The following NALF1 variants were observed in gnomAD, a reference collection of about 807,000 sequenced individuals.
The protein encoded by NALF1 is NALCN channel auxiliary factor 1.
A neutral mutation model predicts 48.4 loss-of-function variants in NALF1; 3 were observed. The ratio of observed to expected loss-of-function variants is 0.06; its 90% confidence interval spans 0.03 to 0.16. NALF1 has a LOEUF of 0.16. Among genes scored for constraint, NALF1 ranks in the 10% least tolerant of loss-of-function variants. The pLI is 1.00. For missense variants in NALF1, 526 were observed against 571.5 expected (o/e 0.92, Z 0.81); for synonymous variants, 262 against 245.7 (o/e 1.07, Z -0.62).
intron 1 of NALF1, among the ~76,000 whole-genome samples, chr13:107,670,231 A>G (rs998820077): frequency 1.3e-5 from 2 of 152,092 alleles, no homozygotes; most frequent in Non-Finnish European, 2.9e-5. Context: ...ATGTGGTCTT[A>G]TTGACGAGTA....
At chr13:107,404,234 G>A (rs184912347) in intron 1 of NALF1, among the ~76,000 whole-genome samples, 38 of 151,998 alleles carry the variant, frequency 2.5e-4, no homozygotes, top group Admixed American at 1.4e-3. Flanking sequence ...TCATTTCATC[G>A]TTGTGTCATT....
intron 1 of NALF1, among the ~76,000 whole-genome samples, chr13:107,496,286 G>C (rs1211167502): frequency 6.6e-6 from 1 of 152,164 alleles, no homozygotes; most frequent in Non-Finnish European, 1.5e-5. Flanking sequence ...TAGATGCAAA[G>C]GACCTGAATG....
chr13:107,732,405 C>T (rs144138455), intron 1 of NALF1, among the ~76,000 whole-genome samples: 4 of 152,150 alleles, frequency 2.6e-5, no homozygotes, highest in East Asian at 1.9e-4. Flanking sequence ...TTTTCATTTG[C>T]TGGAAGTGCA....
At position 107,167,403 on chromosome 13, in the gene NALF1, C is replaced by G. The variant is rs1256768804; in HGVS notation, c.*3094G>C. On this transcript the variant is annotated 3_prime_UTR_variant, in exon 3 of 3. Coordinates refer to ENST00000375915, the MANE Select transcript of NALF1 (RefSeq NM_001080396.3). ...TCAACGGATGTAGTGAAATCTGCAT[C>G]ATCAGTGATTGTTTCTGAGCTTGGG... is the stretch of plus-strand genomic sequence containing the variant. The G allele has an allele frequency of 6.6e-6, 1 of 152,182 alleles. No individual in the cohort carries two copies. Among genetic ancestry groups the G allele is most frequent in the African/African-American group, 2.4e-5 (1 of 41,422 alleles). The allele number at this position is 152,182 out of a possible 1,614,324, so 9.4% of individuals were successfully genotyped here.
chr13:107,258,282 A>G (rs1463245299), intron 1 of NALF1, among the ~76,000 whole-genome samples: 1 of 152,210 alleles, frequency 6.6e-6, no homozygotes, highest in Non-Finnish European at 1.5e-5. Flanking sequence ...TTTATATTTT[A>G]TTGTTAATTT....
chr13:107,854,080 A>T (rs887255939), intron 1 of NALF1, among the ~76,000 whole-genome samples: 1 of 152,244 alleles, frequency 6.6e-6, no homozygotes, highest in East Asian at 1.9e-4. Context: ...ATTCACTCAG[A>T]GCTGAATTCT....
At chr13:107,686,423 G>T (rs7318064) in intron 1 of NALF1, among the ~76,000 whole-genome samples, 132,388 of 151,834 alleles carry the variant, frequency 0.87, 58,171 homozygotes, top group Middle Eastern at 0.94. Flanking sequence ...TGAGACGGAG[G>T]CTCACTCTGT....
chr13:107,170,458 G>T lies in NALF1; in HGVS notation c.*39C>A, dbSNP rs1878775496. ...TGAGACAGCAGTTGCCATTTTTCACGGCGGGCCAGCTGCTGCTGTGGTGAC... is the reference window on the plus strand; with the variant it reads ...TGAGACAGCAGTTGCCATTTTTCACTGCGGGCCAGCTGCTGCTGTGGTGAC... On this transcript the variant is annotated 3_prime_UTR_variant, in exon 3 of 3. Transcript: ENST00000375915. 1 of 1,540,946 alleles carries T rather than the reference G, an allele frequency of 6.5e-7. No homozygotes were observed. Among genetic ancestry groups the T allele is most frequent in the Non-Finnish European group, 8.7e-7 (1 of 1,144,006 alleles).
At chr13:107,512,627 G>C (rs541679716) in intron 1 of NALF1, among the ~76,000 whole-genome samples, 1 of 152,282 alleles carries the variant, frequency 6.6e-6, no homozygotes, top group East Asian at 1.9e-4. Flanking sequence ...CACAGGCAGG[G>C]AGGGGCAGCT....
At chr13:107,460,901 G>A (rs1884908318) in intron 1 of NALF1, among the ~76,000 whole-genome samples, 1 of 152,084 alleles carries the variant, frequency 6.6e-6, no homozygotes, top group South Asian at 2.1e-4. Flanking sequence ...GGTATTAGAG[G>A]TGAATAAAAG....
At chr13:107,859,605 A>G (rs1258042219) in intron 1 of NALF1, among the ~76,000 whole-genome samples, 1 of 152,198 alleles carries the variant, frequency 6.6e-6, no homozygotes, top group Non-Finnish European at 1.5e-5. Context: ...CATTTCCAGT[A>G]TTAAAGAATC....
At chr13:107,240,257 G>A (rs922374300) in intron 1 of NALF1, among the ~76,000 whole-genome samples, 60 of 152,100 alleles carry the variant, frequency 3.9e-4, no homozygotes, top group African/African-American at 1.4e-3. Flanking sequence ...CCAATCCAAG[G>A]CCTCATCAGA....
intron 1 of NALF1, among the ~76,000 whole-genome samples, chr13:107,819,119 T>C (rs1416780870): frequency 2.6e-5 from 4 of 152,180 alleles, no homozygotes; most frequent in Admixed American, 2.0e-4. Flanking sequence ...GTAAATACTT[T>C]ATAGCTCTAA....
intron 1 of NALF1, among the ~76,000 whole-genome samples, chr13:107,357,722 T>C (rs1362387156): frequency 6.6e-6 from 1 of 152,228 alleles, no homozygotes; most frequent in East Asian, 1.9e-4. Context: ...AAAATGTTGC[T>C]ACTAAAGAGC....
Position 107,720,389 on chromosome 13 carries a change from T to C in NALF1, c.915+145293A>G, listed in dbSNP as rs138847208. On this transcript the variant is annotated intron_variant, in intron 1 of 2. Transcript: ENST00000375915. ...AGCCAGGCGCGGTGGCGCACACCTG[T>C]AGTCCCAGCTACTTGGGAGGCTGAG... Among the ~76,000 whole-genome samples the C allele has an allele frequency of 2.4e-3, 371 of 151,610 alleles. 6 individuals are homozygous for C. In the East Asian group the frequency reaches 0.034, roughly 14 times the overall value.
chr13:107,622,723 C>T (rs1347371058), intron 1 of NALF1, among the ~76,000 whole-genome samples: 1 of 152,082 alleles, frequency 6.6e-6, no homozygotes, highest in Admixed American at 6.6e-5. Context: ...CATTTCAGAT[C>T]CAGCTCAGAT....
chr13:107,438,851 A>AAAAAAAAAAAAAAAAAT (rs1884508363), intron 1 of NALF1, among the ~76,000 whole-genome samples: 1 of 130,240 alleles, frequency 7.7e-6, no homozygotes, highest in Non-Finnish European at 1.7e-5. Context: ...AAAAAAAAAA[A>AAAAAAAAAAAAAAAAAT]GAATAATATA....
Position 107,865,846 on chromosome 13 carries a change from C to T in NALF1, c.751G>A (p.Val251Met), listed in dbSNP as rs1276784692. Residue 251 changes from valine (V) to methionine (M), a missense_variant, in exon 1 of 3, where the codon GTG (valine) becomes ATG (methionine). By Grantham distance (21) the Val-to-Met change is conservative (BLOSUM62 1). Around this residue, in one of 2 missense-constraint regions of NALF1, gnomAD observed 373 missense variants for 355.5 expected, o/e 1.05. Transcript: ENST00000375915. ...GTCATCTCGCCGCCTTCCTTGAGCA[C>T]CACATCCAGACTGCAGTTCAAAGTG... Reference protein sequence around the residue: ...PNTLNCSLDVVLKEGGEMTTC... With the variant: ...PNTLNCSLDVMLKEGGEMTTC... The T allele has an allele frequency of 6.2e-7, 1 of 1,614,154 alleles. No homozygotes were observed. Among genetic ancestry groups the T allele is most frequent in the Non-Finnish European group, 8.5e-7 (1 of 1,180,046 alleles).
intron 1 of NALF1, among the ~76,000 whole-genome samples, chr13:107,556,338 CAT>C (rs770324548): frequency 2.0e-3 from 289 of 147,576 alleles, no homozygotes; most frequent in Admixed American, 5.0e-3. Context: ...TATACACACA[CAT>C]ATATATATAT....
Sources: gnomAD v4.1 joint callset for allele counts (sites outside exome capture counted in the v4.1 genomes callset) on GRCh38, gnomAD v4.1.1 for gene constraint, gnomAD v4.1.1 regional missense constraint, MANE v1.5 for transcripts, NCBI Gene and HGNC (gene_info 2026-07-23, HGNC 2026-07-21) for gene names.